The following OR9Q1 variants were observed in gnomAD, a reference collection of about 807,000 sequenced individuals.
The protein encoded by OR9Q1 is olfactory receptor family 9 subfamily Q member 1, also known as olfactory receptor 9Q1.
For synonymous variants in OR9Q1, 153 were observed against 148.6 expected (o/e 1.03, Z -0.22); for missense variants, 374 against 378.8 (o/e 0.99, Z 0.11).
At chr11:58,128,276 G>A (rs948711892) in intron 2 of OR9Q1, among the ~76,000 whole-genome samples, 1 of 144,880 alleles carries the variant, frequency 6.9e-6, no homozygotes, top group African/African-American at 2.5e-5. Flanking sequence ...AAAAAGAACA[G>A]TAGGAAGAGA....
chr11:58,044,705 C>T (rs1212380762), intron 1 of OR9Q1: 1 of 152,114 alleles, frequency 6.6e-6, no homozygotes, highest in African/African-American at 2.4e-5. Flanking sequence ...AGGTACTGTA[C>T]AGGGTGTTAG....
chr11:58,094,425 T>G (rs931465337), intron 2 of OR9Q1, among the ~76,000 whole-genome samples: 5 of 152,190 alleles, frequency 3.3e-5, no homozygotes, highest in Admixed American at 6.5e-5. Context: ...CATGTACCTT[T>G]TAAGTTTATA....
chr11:58,128,914 A>C (rs754397192), intron 2 of OR9Q1, among the ~76,000 whole-genome samples: 11 of 152,346 alleles, frequency 7.2e-5, no homozygotes, highest in Admixed American at 2.0e-4. Flanking sequence ...GGTATTTATG[A>C]CATACATGGA....
intron 2 of OR9Q1, chr11:58,117,367 C>T (rs761573382): frequency 3.9e-5 from 6 of 152,056 alleles, no homozygotes; most frequent in South Asian, 2.1e-4. Flanking sequence ...CTGTATACTC[C>T]GAGTACTCTT....
At chr11:58,029,843 CTTTTTT>C (rs58928895) in intron 1 of OR9Q1, among the ~76,000 whole-genome samples, 3 of 139,140 alleles carry the variant, frequency 2.2e-5, no homozygotes, top group Non-Finnish European at 4.6e-5. Flanking sequence ...CTGCCTCCTC[CTTTTTT>C]TTTTTTTTTT....
Position 58,063,268 on chromosome 11 carries a change from T to C in OR9Q1, c.-15+7321T>C, listed in dbSNP as rs1231027118. 3.3e-5 allele frequency among the ~76,000 whole-genome samples: 5 copies of C among 152,322 alleles called. No homozygotes were observed. In the East Asian group the frequency reaches 9.6e-4, roughly 29 times the overall value. On this transcript the variant is annotated intron_variant, in intron 2 of 2. Coordinates refer to ENST00000335397, the MANE Select transcript of OR9Q1 (RefSeq NM_001005212.4). Reference sequence around the variant, plus strand: ...AAGTAACATTTCTTCTCAGGTTCAATGTCATCATCTGCAAAATGGGACTAA... The same window carrying C: ...AAGTAACATTTCTTCTCAGGTTCAACGTCATCATCTGCAAAATGGGACTAA...
chr11:58,034,383 G>A lies in OR9Q1; in HGVS notation c.-93+10279G>A, dbSNP rs142733465. On this transcript the variant is annotated intron_variant, in intron 1 of 2. Coordinates refer to ENST00000335397, the MANE Select transcript of OR9Q1 (RefSeq NM_001005212.4). ...ATTACAGGCTTGAGCCACTGCACCC[G>A]GCCAGCACTTGCTTTTTTAATTGCC... 6.6e-5 allele frequency among the ~76,000 whole-genome samples: 10 copies of A among 152,038 alleles called. No individual in the cohort carries two copies. The East Asian group carries it at 1.9e-3, about 29-fold the overall frequency.
chr11:58,119,090 C>T lies in OR9Q1; in HGVS notation c.-14-60341C>T, dbSNP rs774030898. ...CGAATGGCAGCATAGCGATCATAGG[C>T]CATCACTGCCAGCAGAAAGCACTCT... is the stretch of plus-strand genomic sequence containing the variant. On this transcript the variant is annotated intron_variant, in intron 2 of 2. Transcript: ENST00000335397. The T allele has an allele frequency of 6.8e-6, 11 of 1,613,784 alleles. No homozygotes were observed. The Admixed American group carries it at 1.5e-4, about 22-fold the overall frequency.
At chr11:58,127,930 A>C (rs1854104628) in intron 2 of OR9Q1, among the ~76,000 whole-genome samples, 1 of 152,188 alleles carries the variant, frequency 6.6e-6, no homozygotes, top group South Asian at 2.1e-4. Flanking sequence ...CTATCCAGAT[A>C]AAGTGTTTTT....
In OR9Q1 at chr11:58,179,783, C is replaced by A. The variant is rs745779006; in HGVS notation, c.339C>A (p.Tyr113Ter). Residue 113 changes from tyrosine to a stop codon, truncating the protein, a stop_gained, in exon 3 of 3, where the codon TAC (tyrosine) becomes TAA (stop). Transcript: ENST00000335397. LOFTEE classifies it low-confidence loss of function (END_TRUNC). ...CCTTCTTTGGTTCCATCGACTGCTACCTCTTGGCCCTCATGGCCTATGACC... is the reference window on the plus strand; with the variant it reads ...CCTTCTTTGGTTCCATCGACTGCTAACTCTTGGCCCTCATGGCCTATGACC... ...LFTFFGSIDC[Y>*]LLALMAYDRY... The A allele has an allele frequency of 6.2e-7, 1 of 1,614,192 alleles. No homozygotes were observed. Among genetic ancestry groups the A allele is most frequent in the East Asian group, 2.2e-5 (1 of 44,856 alleles).
intron 2 of OR9Q1, among the ~76,000 whole-genome samples, chr11:58,179,228 G>A (rs1158223174): frequency 6.6e-6 from 1 of 151,956 alleles, no homozygotes; most frequent in Non-Finnish European, 1.5e-5. Context: ...GTTTCACCAT[G>A]TTGGCCAGGC....
At chr11:58,102,275 CTT>C (rs1853791966) in intron 2 of OR9Q1, among the ~76,000 whole-genome samples, 1 of 147,342 alleles carries the variant, frequency 6.8e-6, no homozygotes, top group African/African-American at 2.5e-5. Flanking sequence ...CCCTTTTTAA[CTT>C]TTTTCCTCTC....
intron 2 of OR9Q1, among the ~76,000 whole-genome samples, chr11:58,110,100 A>G (rs1190797169): frequency 6.6e-6 from 1 of 152,158 alleles, no homozygotes; most frequent in African/African-American, 2.4e-5. Flanking sequence ...TGTCATGTGA[A>G]TGGTGCCTCC....
rs184244006 is a variant in OR9Q1 at position 58,072,703 on chromosome 11, G to T, written c.-15+16756G>T. On this transcript the variant is annotated intron_variant, in intron 2 of 2. Coordinates refer to ENST00000335397, the MANE Select transcript of OR9Q1 (RefSeq NM_001005212.4). ...GAGTCTCAGCTGCAAAGTTTAGCAG[G>T]TCAAAAAGCATATTACTCGGATGAT... 648 of 155,306 alleles carry T rather than the reference G, an allele frequency of 4.2e-3. 2 individuals carry two copies. The highest frequency in any genetic ancestry group is 6.9e-3 in the Non-Finnish European group (473 of 68,284). The allele number at this position is 155,306 out of a possible 1,614,324, so 9.6% of individuals were successfully genotyped here. A position where few individuals can be genotyped will look rare whatever the true frequency, so the allele number is the denominator to read the frequency against.
At chr11:58,062,295 C>T (rs749285205) in intron 2 of OR9Q1, among the ~76,000 whole-genome samples, 6 of 152,176 alleles carry the variant, frequency 3.9e-5, no homozygotes, top group Non-Finnish European at 5.9e-5. Context: ...GAGTTTAGCT[C>T]GGCTGAGACA....
At chr11:58,126,052 A>G (rs1350980217) in intron 2 of OR9Q1, among the ~76,000 whole-genome samples, 1 of 152,184 alleles carries the variant, frequency 6.6e-6, no homozygotes, top group South Asian at 2.1e-4. Flanking sequence ...TTATTGGCTC[A>G]GGAAGGTATG....
chr11:58,041,266 C>T (rs1853159374), intron 1 of OR9Q1: 1 of 153,032 alleles, frequency 6.5e-6, no homozygotes. Flanking sequence ...CGCCCACCCC[C>T]TAAGCTGGGT....
At chr11:58,147,188 G>A (rs1308553850) in intron 2 of OR9Q1, among the ~76,000 whole-genome samples, 2 of 152,126 alleles carry the variant, frequency 1.3e-5, no homozygotes, top group Admixed American at 6.6e-5. Flanking sequence ...TGGTGGTTTA[G>A]GACTGATTCT....
chr11:58,181,478 G>A lies in OR9Q1; in HGVS notation c.*1101G>A, dbSNP rs1327292603. On this transcript the variant is annotated 3_prime_UTR_variant, in exon 3 of 3. Transcript: ENST00000335397. The stretch of plus-strand genomic sequence containing the variant: ...CAATCAAACCCAAGGCACTGGAAGA[G>A]AGCAGGCCCCATCTATTAATTTTTT... 1 of 162,656 alleles carries A rather than the reference G, an allele frequency of 6.1e-6. No individual in the cohort carries two copies. The highest frequency in any genetic ancestry group is 2.0e-4 in the East Asian group (1 of 4,912). The allele number at this position is 162,656 out of a possible 1,614,324, so 10.1% of individuals were successfully genotyped here.
Sources: gnomAD v4.1 joint callset for allele counts (sites outside exome capture counted in the v4.1 genomes callset) on GRCh38, gnomAD v4.1.1 for gene constraint, MANE v1.5 for transcripts, NCBI Gene and HGNC (gene_info 2026-07-23, HGNC 2026-07-21) for gene names.